The following ANO6 variants were observed in gnomAD, a reference collection of about 807,000 sequenced individuals.
ANO6 encodes anoctamin-6.
Under a neutral mutation model 117.5 loss-of-function variants are expected in ANO6, and 106 were observed. The ratio of observed to expected loss-of-function variants is 0.90; its 90% CI spans 0.77 to 1.06. The LOEUF (loss-of-function observed/expected upper bound fraction) is 1.06, where lower values mean the gene tolerates loss of function less well. Ranked by LOEUF, ANO6 falls within the 50% of genes least tolerant of loss-of-function variation. ANO6 has a pLI of 0.00. For missense variants in ANO6, 955 were observed against 1,121.1 expected (o/e 0.85, Z 2.12); for synonymous variants, 367 against 385.1 (o/e 0.95, Z 0.55).
At chr12:45,346,764 A>G (rs866341962) in intron 3 of ANO6, among the ~76,000 whole-genome samples, 16 of 152,180 alleles carry the variant, frequency 1.1e-4, no homozygotes, top group Admixed American at 6.5e-5. Flanking sequence ...AAACCACACC[A>G]GGACAGCCAA....
chr12:45,361,695 TG>T (rs1941559540), intron 8 of ANO6, among the ~76,000 whole-genome samples: 1 of 152,146 alleles, frequency 6.6e-6, no homozygotes, highest in African/African-American at 2.4e-5. Flanking sequence ...TTTTTAATCA[TG>T]GAATGATGTT....
intron 1 of ANO6, among the ~76,000 whole-genome samples, chr12:45,238,151 C>CTTTT (rs71437709): frequency 7.6e-6 from 1 of 130,872 alleles, no homozygotes; most frequent in Non-Finnish European, 1.6e-5. Context: ...TTTTCTTTTT[C>CTTTT]TTTTTTTTTT....
intron 12 of ANO6, among the ~76,000 whole-genome samples, chr12:45,397,198 A>C (rs931607563): frequency 6.6e-6 from 1 of 152,094 alleles, no homozygotes; most frequent in Non-Finnish European, 1.5e-5. Context: ...GACACTTTTC[A>C]AAAGAAGACA....
chr12:45,241,934 G>T (rs1184301726), intron 1 of ANO6, among the ~76,000 whole-genome samples: 1 of 152,194 alleles, frequency 6.6e-6, no homozygotes, highest in Admixed American at 6.5e-5. Flanking sequence ...GATCCTTTCT[G>T]TGGAAGCTTC....
At chr12:45,300,441 G>A (rs1229589473) in intron 1 of ANO6, among the ~76,000 whole-genome samples, 2 of 152,152 alleles carry the variant, frequency 1.3e-5, no homozygotes, top group African/African-American at 4.8e-5. Flanking sequence ...GGCCTCCAAA[G>A]TGCTAGGATT....
chr12:45,396,376 A>G (rs1048854257), intron 12 of ANO6, among the ~76,000 whole-genome samples: 2 of 152,230 alleles, frequency 1.3e-5, no homozygotes, highest in Non-Finnish European at 2.9e-5. Flanking sequence ...TTCCACACTC[A>G]TGGATAAGAA....
intron 1 of ANO6, among the ~76,000 whole-genome samples, chr12:45,242,133 G>A (rs1947754108): frequency 1.3e-5 from 2 of 152,248 alleles, no homozygotes; most frequent in South Asian, 4.1e-4. Flanking sequence ...TAAGTCTGCA[G>A]AAGTTTCTGC....
chr12:45,400,665 GA>G (rs1165675527), intron 12 of ANO6, among the ~76,000 whole-genome samples: 2 of 152,142 alleles, frequency 1.3e-5, no homozygotes, highest in Admixed American at 1.3e-4. Context: ...TAATACACAA[GA>G]GAAGATATTG....
intron 12 of ANO6, among the ~76,000 whole-genome samples, chr12:45,391,329 A>G (rs775520526): frequency 6.6e-6 from 1 of 152,164 alleles, no homozygotes; most frequent in Non-Finnish European, 1.5e-5. Context: ...TAGTGATGTA[A>G]TAATTTAGTG....
At chr12:45,238,151 CTTTTTTTTTTTT>C (rs71437709) in intron 1 of ANO6, among the ~76,000 whole-genome samples, 3 of 130,874 alleles carry the variant, frequency 2.3e-5, no homozygotes, top group African/African-American at 8.7e-5. Flanking sequence ...TTTTCTTTTT[CTTTTTTTTTTTT>C]TTTTTGAGAC....
At chr12:45,405,379 C>G (rs1370997148) in intron 15 of ANO6, among the ~76,000 whole-genome samples, 1 of 152,168 alleles carries the variant, frequency 6.6e-6, no homozygotes, top group Non-Finnish European at 1.5e-5. Context: ...GAAATTTGTT[C>G]ACATGAAATA....
intron 11 of ANO6, 71 bp from the exon 12 acceptor site, chr12:45,390,350 C>T (rs1053719087): frequency 4.4e-5 from 53 of 1,191,036 alleles, no homozygotes; most frequent in Non-Finnish European, 5.8e-5. Flanking sequence ...GATTTATTGG[C>T]GAGTCAGGAG....
chr12:45,234,873 T>G (rs1947623930), intron 1 of ANO6, among the ~76,000 whole-genome samples: 3 of 152,246 alleles, frequency 2.0e-5, no homozygotes, highest in African/African-American at 7.2e-5. Flanking sequence ...TAATTTGGCT[T>G]GTCCTTTTCC....
chr12:45,226,280 A>G (rs1343897709), intron 1 of ANO6, among the ~76,000 whole-genome samples: 1 of 152,240 alleles, frequency 6.6e-6, no homozygotes, highest in Non-Finnish European at 1.5e-5. Context: ...TGCTGCAGTA[A>G]GTTATTCATC....
At chr12:45,412,697 T>C (rs1943116935) in intron 16 of ANO6, among the ~76,000 whole-genome samples, 1 of 152,216 alleles carries the variant, frequency 6.6e-6, no homozygotes, top group South Asian at 2.1e-4. Context: ...GCTCTTCATT[T>C]GTTCATTCAT....
chr12:45,225,470 A>G (rs1246826167), intron 1 of ANO6, among the ~76,000 whole-genome samples: 1 of 152,020 alleles, frequency 6.6e-6, no homozygotes, highest in Non-Finnish European at 1.5e-5. Flanking sequence ...GTTCAACAAA[A>G]CATATGTTTT....
chr12:45,418,087 A>C (rs1361587888), intron 17 of ANO6, among the ~76,000 whole-genome samples: 1 of 152,078 alleles, frequency 6.6e-6, no homozygotes, highest in African/African-American at 2.4e-5. Context: ...AGCTGCTGTT[A>C]TTTTATCATC....
intron 11 of ANO6, among the ~76,000 whole-genome samples, chr12:45,390,208 A>G (rs928391686): frequency 1.3e-5 from 2 of 152,214 alleles, no homozygotes; most frequent in Non-Finnish European, 2.9e-5. Context: ...TCATGCTTGC[A>G]TTTTCCAAAA....
At chr12:45,266,670 A>G (rs1370523697) in intron 1 of ANO6, among the ~76,000 whole-genome samples, 1 of 152,146 alleles carries the variant, frequency 6.6e-6, no homozygotes, top group Non-Finnish European at 1.5e-5. Flanking sequence ...GGTAGCATGC[A>G]CTTGTAGTTC....
Sources: gnomAD v4.1 joint callset for allele counts (sites outside exome capture counted in the v4.1 genomes callset) on GRCh38, gnomAD v4.1.1 for gene constraint, MANE v1.5 for transcripts, NCBI Gene and HGNC (gene_info 2026-07-23, HGNC 2026-07-21) for gene names.